Variants in ZNF76 observed in about 807,000 individuals in gnomAD.
ZNF76 encodes zinc finger protein 76.
In ZNF76, 66 loss-of-function variants were observed where a neutral mutation model predicts 66.9. The ratio of observed to expected loss-of-function variants is 0.99; its 90% CI spans 0.81 to 1.21. The LOEUF (loss-of-function observed/expected upper bound fraction) is 1.21. Ranked by LOEUF, ZNF76 falls within the 50% of genes most tolerant of loss-of-function variation. The probability of loss-of-function intolerance (pLI) is 0.00; values close to 1 mark genes in which losing one functional copy is unlikely to be tolerated. For missense variants in ZNF76, 729 were observed against 760.3 expected (o/e 0.96, Z 0.48); for synonymous variants, 275 against 296.1 (o/e 0.93, Z 0.73).
intron 1 of ZNF76, among the ~76,000 whole-genome samples, chr6:35,268,044 G>T (rs1201496643): frequency 2.6e-5 from 4 of 152,208 alleles, no homozygotes; most frequent in African/African-American, 9.7e-5. Context: ...AAGCAGAACT[G>T]AATCAGGATT....
rs539138956 is a variant in ZNF76, at chr6:35,260,664, C to G, written c.-97+823C>G. ...GTCAATCCAGTGTGTGGTCCCAGCT[C>G]TGTCACTGCTGTGCTTTAGGGACCT... is the stretch of plus-strand genomic sequence containing the variant. On this transcript the variant is annotated intron_variant, in intron 1 of 13. Transcript: ENST00000373953. 1.2e-3 allele frequency among the ~76,000 whole-genome samples: 186 copies of G among 152,310 alleles called. 1 individual carries two copies. Among genetic ancestry groups the G allele is most frequent in the African/African-American group, 4.3e-3 (177 of 41,570 alleles).
intron 2 of ZNF76, among the ~76,000 whole-genome samples, chr6:35,282,146 T>C (rs1332443591): frequency 6.6e-6 from 1 of 152,050 alleles, no homozygotes. Flanking sequence ...ACTAGGGACA[T>C]ACATATACCC....
chr6:35,282,811 C>A (rs1287003052), intron 2 of ZNF76, among the ~76,000 whole-genome samples: 1 of 151,594 alleles, frequency 6.6e-6, no homozygotes, highest in Non-Finnish European at 1.5e-5. Context: ...CCCTTAATCT[C>A]ATCAGTAAGC....
Position 35,286,135 on chromosome 6 carries a change from G to A in ZNF76, c.81G>A (p.Lys27=). The change falls in exon 3 of 14, where the codon AAG becomes AAA. Residue 27 remains lysine (K), a synonymous_variant. Coordinates refer to ENST00000373953, the MANE Select transcript of ZNF76 (RefSeq NM_003427.5). ...TATTTCCACTCTTAACAGGAGAGAA[G>A]CTTCTTGAAGGGCAGGTGATCCAGC... The part of the protein sequence containing the change: ...AYVQQAVKGE[K]LLEGQVIQLE... The A allele has an allele frequency of 6.2e-7, 1 of 1,614,154 alleles. No homozygotes were observed. The highest frequency in any genetic ancestry group is 1.7e-5 in the Admixed American group (1 of 60,026).
chr6:35,295,216 C>T lies in ZNF76; in HGVS notation c.1681C>T (p.Leu561=), dbSNP rs777468480. Residue 561 remains leucine (L), a synonymous_variant, in exon 14 of 14, where the codon CTG becomes TTG. Transcript: ENST00000373953. ...TAAMQQGAVT[L]ETTVSESGC ...GGCCATGCAGCAAGGGGCTGTGACC[C>T]TGGAGACAACAGTGTCGGAGAGTGG... 12 of 1,610,546 alleles carry T rather than the reference C, an allele frequency of 7.5e-6. No individual in the cohort carries two copies. Among genetic ancestry groups the T allele is most frequent in the Non-Finnish European group, 9.3e-6 (11 of 1,178,546 alleles).
At chr6:35,288,207 A>C (rs1325161918) in intron 5 of ZNF76, 1 of 473,734 alleles carries the variant, frequency 2.1e-6, no homozygotes, top group Admixed American at 2.4e-5. Context: ...CTAGCTGGGA[A>C]AGCCCTGCCA....
intron 1 of ZNF76, among the ~76,000 whole-genome samples, chr6:35,273,604 A>G (rs547015365): frequency 1.3e-5 from 2 of 151,014 alleles, no homozygotes; most frequent in African/African-American, 4.8e-5. Flanking sequence ...AACATGGTGA[A>G]ACCCCATCTC....
chr6:35,265,520 A>AAG (rs1383430459), intron 1 of ZNF76, among the ~76,000 whole-genome samples: 1 of 149,194 alleles, frequency 6.7e-6, no homozygotes, highest in East Asian at 1.9e-4. Context: ...AAAAAAAAAA[A>AAG]AAGAAGAAGA....
intron 5 of ZNF76, among the ~76,000 whole-genome samples, chr6:35,289,131 A>C (rs1790018881): frequency 6.6e-6 from 1 of 152,086 alleles, no homozygotes; most frequent in Admixed American, 6.5e-5. Context: ...TACCTAGTCC[A>C]AACTTGGGTG....
chr6:35,286,427 G>A (rs1448393618), intron 4 of ZNF76, 28 bp downstream of exon 4: 1 of 1,606,656 alleles, frequency 6.2e-7, no homozygotes, highest in Non-Finnish European at 8.5e-7. Context: ...ACAACTCGGG[G>A]AAGGATGGGA....
rs73745153 is a variant in ZNF76 at position 35,274,422 on chromosome 6, C to T, written c.-96-6634C>T. On this transcript the variant is annotated intron_variant, in intron 1 of 13. Coordinates refer to ENST00000373953, the MANE Select transcript of ZNF76 (RefSeq NM_003427.5). ...AGCACAGCCCAGCTTGTGTGTGGAG[C>T]GCAGTAGGTCTCAACCATGATAAAG... 5.7e-3 allele frequency among the ~76,000 whole-genome samples: 869 copies of T among 152,310 alleles called. 8 individuals carry two copies. Among genetic ancestry groups the T allele is most frequent in the African/African-American group, 0.017 (690 of 41,568 alleles).
chr6:35,266,839 C>T lies in ZNF76; in HGVS notation c.-97+6998C>T, dbSNP rs1365738172. On this transcript the variant is annotated intron_variant, in intron 1 of 13. Transcript: ENST00000373953. Reference sequence around the variant, plus strand: ...TTTTTTGAGACGGAGTCTCGCTCGTCACCCAGGCTGAAGTGCAGTGGCGCC... The same window carrying T: ...TTTTTTGAGACGGAGTCTCGCTCGTTACCCAGGCTGAAGTGCAGTGGCGCC... 2.3e-5 allele frequency among the ~76,000 whole-genome samples: 3 copies of T among 128,000 alleles called. No homozygotes were observed. In the East Asian group the frequency reaches 7.6e-4, roughly 32 times the overall value. 84.0% of individuals were successfully genotyped at this position (128,000 alleles called of 152,430 possible). A position where few individuals can be genotyped will look rare whatever the true frequency, so the allele number is the denominator to read the frequency against.
intron 1 of ZNF76, among the ~76,000 whole-genome samples, chr6:35,279,002 T>C (rs1302531421): frequency 6.6e-6 from 1 of 152,150 alleles, no homozygotes. Flanking sequence ...GTGTGAGTGC[T>C]AGGAAAAGGT....
chr6:35,274,460 A>G (rs539350872), intron 1 of ZNF76, among the ~76,000 whole-genome samples: 1 of 152,388 alleles, frequency 6.6e-6, no homozygotes, highest in East Asian at 1.9e-4. Context: ...GAAAAACACA[A>G]AAACCATGGC....
chr6:35,260,894 A>G (rs1785150057), intron 1 of ZNF76, among the ~76,000 whole-genome samples: 1 of 152,174 alleles, frequency 6.6e-6, no homozygotes, highest in Non-Finnish European at 1.5e-5. Context: ...TGCTTGCATC[A>G]TGAACCTTAC....
intron 1 of ZNF76, among the ~76,000 whole-genome samples, chr6:35,268,354 T>C (rs1309724431): frequency 2.0e-5 from 3 of 152,162 alleles, no homozygotes; most frequent in Non-Finnish European, 4.4e-5. Context: ...GAGAGTCTCT[T>C]TGACCAGATA....
intron 1 of ZNF76, among the ~76,000 whole-genome samples, chr6:35,275,875 G>A (rs1305784563): frequency 6.6e-6 from 1 of 152,194 alleles, no homozygotes; most frequent in Non-Finnish European, 1.5e-5. Context: ...GTTACAGTGG[G>A]TGAGATGGAA....
chr6:35,262,300 A>G (rs113646877), intron 1 of ZNF76, among the ~76,000 whole-genome samples: 2,643 of 152,174 alleles, frequency 0.017, 27 homozygotes, highest in South Asian at 0.044. Context: ...AGTCAGAAAA[A>G]TCCTTCCTAG....
intron 1 of ZNF76, among the ~76,000 whole-genome samples, chr6:35,269,126 C>G (rs1393823747): frequency 6.6e-6 from 1 of 151,570 alleles, no homozygotes; most frequent in Non-Finnish European, 1.5e-5. Context: ...ACTAAAAATA[C>G]AAAAATTTGC....
Sources: gnomAD v4.1 joint callset for allele counts (sites outside exome capture counted in the v4.1 genomes callset) on GRCh38, gnomAD v4.1.1 for gene constraint, MANE v1.5 for transcripts, NCBI Gene and HGNC (gene_info 2026-07-23, HGNC 2026-07-21) for gene names.